The following CYB5A variants were observed in gnomAD, a reference collection of about 807,000 sequenced individuals.
CYB5A encodes the protein cytochrome b5 type A.
Under a neutral mutation model 16.2 loss-of-function variants are expected in CYB5A, and 10 were observed. That is an observed-to-expected ratio of 0.62 (90% CI 0.38 to 1.04). The LOEUF is 1.04. CYB5A is among the 50% of genes least tolerant of loss of function. The pLI is 0.01. For synonymous variants in CYB5A, 62 were observed against 57.0 expected, an observed-to-expected ratio of 1.09 and a Z score of -0.40; for missense variants, 161 against 165.9, an observed-to-expected ratio of 0.97 and a Z score of 0.16.
chr18:74,273,812 C>A (rs1335635111), intron 1 of CYB5A, among the ~76,000 whole-genome samples: 1 of 152,228 alleles, frequency 6.6e-6, no homozygotes, highest in East Asian at 1.9e-4. Context: ...TTCCTTCATA[C>A]CTACATAAGA....
At chr18:74,258,168 C>A (rs1176811441) in intron 3 of CYB5A, 1 of 152,218 alleles carries the variant, frequency 6.6e-6, no homozygotes, top group Non-Finnish European at 1.5e-5. Flanking sequence ...GGGACTGCAA[C>A]TGACCAGCCT....
chr18:74,263,103 G>A (rs1349867900), intron 2 of CYB5A, among the ~76,000 whole-genome samples: 9 of 148,774 alleles, frequency 6.0e-5, no homozygotes, highest in Non-Finnish European at 8.9e-5. Context: ...AGCCATGATC[G>A]TGCCACTGCA....
chr18:74,291,217 C>A (rs1983521141), intron 1 of CYB5A, among the ~76,000 whole-genome samples: 1 of 152,244 alleles, frequency 6.6e-6, no homozygotes, highest in Non-Finnish European at 1.5e-5. Context: ...TGCCGCCGGT[C>A]CTGGAAGGAC....
At chr18:74,269,912 C>T (rs372442816) in intron 1 of CYB5A, among the ~76,000 whole-genome samples, 10 of 152,028 alleles carry the variant, frequency 6.6e-5, no homozygotes, top group East Asian at 1.9e-4. Flanking sequence ...ATCATGCTTG[C>T]GTAGTCTAGA....
At chr18:74,289,573 C>T (rs1423215311) in intron 1 of CYB5A, among the ~76,000 whole-genome samples, 3 of 151,958 alleles carry the variant, frequency 2.0e-5, no homozygotes, top group Admixed American at 6.6e-5. Flanking sequence ...ATCAGCAGTT[C>T]GAGACCAACT....
chr18:74,260,938 T>G lies in CYB5A; in HGVS notation c.265A>C (p.Arg89=), dbSNP rs1285440546. The G allele has an allele frequency of 7.4e-6, 12 of 1,612,276 alleles. No homozygotes were observed. The South Asian group carries it at 1.3e-4, about 18-fold the overall frequency. ...FIIGELHPDD[R]PKLNKPPETL... ...ACCGGAGGCTTGTTTAACTTTGGTC[T>G]GTCATCCTGCAATGAAAAGATAAGG... The change falls in exon 3 of 5, where the codon AGA becomes CGA. Residue 89 remains arginine, a synonymous_variant. Transcript: ENST00000340533.
chr18:74,253,505 C>T lies in CYB5A; in HGVS notation c.*79G>A. On this transcript the variant is annotated 3_prime_UTR_variant, in exon 5 of 5. Transcript: ENST00000340533. ...ATTGTTTTCAAGTGAAGGTTTCTGT[C>T]AGTTGAAGTAGTTAGCAATGGCTTC... 1.2e-6 allele frequency: 1 copy of T among 818,944 alleles called. No individual in the cohort carries two copies. The allele number at this position is 818,944 out of a possible 1,614,324, so 50.7% of individuals were successfully genotyped here. A position where few individuals can be genotyped will look rare whatever the true frequency, so the allele number is the denominator to read the frequency against.
chr18:74,268,847 A>G (rs368685882), intron 1 of CYB5A, among the ~76,000 whole-genome samples: 83 of 152,194 alleles, frequency 5.5e-4, no homozygotes, highest in Non-Finnish European at 1.0e-3. Flanking sequence ...GAACTCACTC[A>G]TCGTGCCCAC....
chr18:74,289,770 C>CT (rs1488290485), intron 1 of CYB5A, among the ~76,000 whole-genome samples: 1 of 126,054 alleles, frequency 7.9e-6, no homozygotes, highest in African/African-American at 3.5e-5. Context: ...GAGCAAAACT[C>CT]TGTCTCAAAA....
At position 74,253,459 on chromosome 18, in the gene CYB5A, A is replaced by G. The variant is rs750276406; in HGVS notation, c.*125T>C. 4.6e-6 allele frequency: 3 copies of G among 658,548 alleles called. No homozygotes were observed. The highest frequency in any genetic ancestry group is 8.3e-6 in the Non-Finnish European group (3 of 361,890). 40.8% of individuals were successfully genotyped at this position (658,548 alleles called of 1,614,324 possible). ...TTTTGTTTCTAATGTCGGAAGAAAAAGAAAGAGATATATTAAAATCATTGT... is the reference window on the plus strand; with the variant it reads ...TTTTGTTTCTAATGTCGGAAGAAAAGGAAAGAGATATATTAAAATCATTGT... On this transcript the variant is annotated 3_prime_UTR_variant, in exon 5 of 5. Coordinates refer to ENST00000340533, the MANE Select transcript of CYB5A (RefSeq NM_148923.4).
At chr18:74,260,894 A>G (rs1433405527) in intron 3 of CYB5A, 21 bp downstream of exon 3, 2 of 1,605,418 alleles carry the variant, frequency 1.2e-6, no homozygotes, top group Non-Finnish European at 1.7e-6. Flanking sequence ...ATCCAGAGAT[A>G]CTTGAGATGG....
chr18:74,279,557 A>G (rs1437033497), intron 1 of CYB5A, among the ~76,000 whole-genome samples: 1 of 143,610 alleles, frequency 7.0e-6, no homozygotes, highest in Non-Finnish European at 1.6e-5. Context: ...AAATAAAAAT[A>G]AATAAAAAAC....
At chr18:74,260,806 A>G in intron 3 of CYB5A, 109 bp downstream of exon 3, 2 of 914,958 alleles carry the variant, frequency 2.2e-6, no homozygotes, top group South Asian at 2.6e-5. Flanking sequence ...ATTTATCTAG[A>G]AAGACCTGTG....
intron 1 of CYB5A, among the ~76,000 whole-genome samples, chr18:74,269,979 T>C (rs967930256): frequency 6.6e-6 from 1 of 152,118 alleles, no homozygotes; most frequent in African/African-American, 2.4e-5. Flanking sequence ...GTTTCAGAGA[T>C]GAAACAGATG....
At chr18:74,257,160 C>T (rs1011477034) in intron 3 of CYB5A, 2 of 388,580 alleles carry the variant, frequency 5.1e-6, no homozygotes, top group African/African-American at 4.1e-5. Flanking sequence ...CAAACACAAA[C>T]ATCCACGGCG....
chr18:74,262,558 A>G (rs1012159802), intron 2 of CYB5A, among the ~76,000 whole-genome samples: 1 of 152,186 alleles, frequency 6.6e-6, no homozygotes, highest in African/African-American at 2.4e-5. Flanking sequence ...TCTGGGGTAC[A>G]GTGAGTAGAA....
intron 1 of CYB5A, among the ~76,000 whole-genome samples, chr18:74,274,946 G>A (rs1185382558): frequency 6.6e-6 from 1 of 152,148 alleles, no homozygotes; most frequent in Non-Finnish European, 1.5e-5. Context: ...GCCGCCAGCT[G>A]GTCTTCCTCA....
intron 1 of CYB5A, among the ~76,000 whole-genome samples, chr18:74,281,038 G>C (rs1983079233): frequency 6.6e-6 from 1 of 152,140 alleles, no homozygotes; most frequent in Non-Finnish European, 1.5e-5. Flanking sequence ...CCAACCAGGG[G>C]AGCAGCAGTA....
At chr18:74,272,484 G>A (rs1301252561) in intron 1 of CYB5A, among the ~76,000 whole-genome samples, 3 of 152,136 alleles carry the variant, frequency 2.0e-5, no homozygotes, top group Non-Finnish European at 4.4e-5. Flanking sequence ...ACGGTTCCTC[G>A]TGGTACCAAT....
Sources: allele counts gnomAD v4.1 joint callset (sites outside exome capture counted in the v4.1 genomes callset), GRCh38; gene constraint gnomAD v4.1.1; transcripts MANE v1.5; gene names NCBI Gene and HGNC (gene_info 2026-07-23, HGNC 2026-07-21).